Variants in SUSD6 observed in about 807,000 individuals in gnomAD.
SUSD6 encodes sushi domain-containing protein 6.
Under a neutral mutation model 28.4 loss-of-function variants are expected in SUSD6, and 16 were observed. The observed-to-expected ratio is 0.56, with a 90% CI of 0.38 to 0.86. SUSD6 has a LOEUF of 0.86. Ranked by LOEUF, SUSD6 falls within the 40% of genes least tolerant of loss-of-function variation. The pLI, the probability that SUSD6 is intolerant of heterozygous loss-of-function variation, is 0.00. For synonymous variants in SUSD6, 147 were observed against 159.6 expected (o/e 0.92, Z 0.59); for missense variants, 341 against 384.2 (o/e 0.89, Z 0.94).
At chr14:69,678,119 A>G (rs1187371638) in intron 2 of SUSD6, among the ~76,000 whole-genome samples, 1 of 151,872 alleles carries the variant, frequency 6.6e-6, no homozygotes, top group African/African-American at 2.4e-5. Flanking sequence ...TGTGCAGTGC[A>G]TTTGGTGTTC....
intron 2 of SUSD6, among the ~76,000 whole-genome samples, chr14:69,674,342 G>C (rs892292420): frequency 2.6e-5 from 4 of 152,150 alleles, no homozygotes; most frequent in African/African-American, 7.2e-5. Context: ...GTTGTATCCA[G>C]CTACCTCTTC....
chr14:69,682,805 C>T (rs1255093523), intron 2 of SUSD6, among the ~76,000 whole-genome samples: 4 of 152,202 alleles, frequency 2.6e-5, no homozygotes, highest in Non-Finnish European at 5.9e-5. Context: ...CTGAGTTCCA[C>T]ATCTGATCAT....
intron 4 of SUSD6, among the ~76,000 whole-genome samples, chr14:69,705,175 G>A (rs191972949): frequency 2.6e-5 from 4 of 151,890 alleles, no homozygotes; most frequent in Admixed American, 6.6e-5. Flanking sequence ...ACAATTAGCC[G>A]GGTGTGGTGG....
At chr14:69,693,374 T>C (rs1249490743) in intron 2 of SUSD6, among the ~76,000 whole-genome samples, 1 of 152,076 alleles carries the variant, frequency 6.6e-6, no homozygotes, top group Admixed American at 6.5e-5. Context: ...TAACAGGCCA[T>C]ATGGAGTCCA....
intron 1 of SUSD6, among the ~76,000 whole-genome samples, chr14:69,648,891 C>T (rs1885464943): frequency 6.6e-6 from 1 of 152,046 alleles, no homozygotes; most frequent in Non-Finnish European, 1.5e-5. Flanking sequence ...TTTTTTCCCT[C>T]CTCTCTCTGC....
At chr14:69,679,951 G>A (rs545068084) in intron 2 of SUSD6, among the ~76,000 whole-genome samples, 3 of 152,138 alleles carry the variant, frequency 2.0e-5, no homozygotes, top group Non-Finnish European at 4.4e-5. Context: ...ACACTTATAT[G>A]GCCTGAATGG....
At chr14:69,687,291 A>G (rs1416480686) in intron 2 of SUSD6, among the ~76,000 whole-genome samples, 1 of 151,898 alleles carries the variant, frequency 6.6e-6, no homozygotes. Context: ...TTGTATTTCT[A>G]GTAGAGACGG....
chr14:69,612,314 A>G (rs142730106), intron 1 of SUSD6, among the ~76,000 whole-genome samples: 2,707 of 152,230 alleles, frequency 0.018, 85 homozygotes, highest in African/African-American at 0.062. Context: ...AGGAAATCTC[A>G]GAGCCCGCCT....
rs2139648808 is a variant in SUSD6 at position 69,709,079 on chromosome 14, C to T, written c.861C>T (p.Ser287=). 6.2e-7 allele frequency: 1 copy of T among 1,606,568 alleles called. No homozygotes were observed. The highest frequency in any genetic ancestry group is 8.5e-7 in the Non-Finnish European group (1 of 1,176,330). ...SENSDIQSLL[S]LTSEEYTDDI... ...ACAGTGACATACAAAGCCTTTTATC[C>T]CTCACGTCAGAGGAGTACACAGATG... The change falls in exon 5 of 6, where the codon TCC becomes TCT. Residue 287 remains serine (S), a synonymous_variant. Transcript: ENST00000342745.
intron 2 of SUSD6, among the ~76,000 whole-genome samples, chr14:69,693,760 A>G (rs1305434260): frequency 6.6e-6 from 1 of 152,208 alleles, no homozygotes; most frequent in East Asian, 1.9e-4. Context: ...GAGTTATGAC[A>G]GTTGACAAGG....
At chr14:69,696,811 G>C (rs1416320154) in intron 2 of SUSD6, among the ~76,000 whole-genome samples, 1 of 152,212 alleles carries the variant, frequency 6.6e-6, no homozygotes, top group Non-Finnish European at 1.5e-5. Context: ...TAACCGGAAA[G>C]GGGTCCAGAT....
At chr14:69,626,405 C>T (rs1018975465) in intron 1 of SUSD6, among the ~76,000 whole-genome samples, 10 of 152,208 alleles carry the variant, frequency 6.6e-5, no homozygotes, top group African/African-American at 2.4e-4. Flanking sequence ...TCAGTTTGCA[C>T]AGTGGACTGG....
At chr14:69,612,236 C>G (rs1884888357) in intron 1 of SUSD6, among the ~76,000 whole-genome samples, 1 of 152,124 alleles carries the variant, frequency 6.6e-6, no homozygotes, top group Non-Finnish European at 1.5e-5. Context: ...GTCATTACTG[C>G]CCTCAGCCCA....
intron 1 of SUSD6, among the ~76,000 whole-genome samples, chr14:69,622,292 A>G (rs140063571): frequency 0.022 from 3,367 of 152,008 alleles, 138 homozygotes; most frequent in African/African-American, 0.077. Flanking sequence ...AGCCTCCTGA[A>G]TAGCTGGGAC....
chr14:69,640,512 A>C (rs899579514), intron 1 of SUSD6, among the ~76,000 whole-genome samples: 4 of 151,692 alleles, frequency 2.6e-5, no homozygotes, highest in East Asian at 3.9e-4. Flanking sequence ...TTTTCTTTTT[A>C]TTTTTTGTAG....
intron 1 of SUSD6, among the ~76,000 whole-genome samples, chr14:69,646,431 GATCACTCCAGGGCTAC>G (rs1205121183): frequency 1.3e-5 from 2 of 152,222 alleles, no homozygotes; most frequent in Non-Finnish European, 2.9e-5. Context: ...CTTACAGGTT[GATCACTCCAGGGCTAC>G]ATCACTCCAG....
chr14:69,705,234 C>T (rs1886371063), intron 4 of SUSD6, among the ~76,000 whole-genome samples: 1 of 151,632 alleles, frequency 6.6e-6, no homozygotes, highest in East Asian at 1.9e-4. Flanking sequence ...AGGAGAATCA[C>T]TTGAACCCAC....
At chr14:69,645,412 G>C (rs1885411821) in intron 1 of SUSD6, among the ~76,000 whole-genome samples, 1 of 152,124 alleles carries the variant, frequency 6.6e-6, no homozygotes, top group Non-Finnish European at 1.5e-5. Flanking sequence ...CTATAGAAGA[G>C]GTAACAATTT....
chr14:69,640,037 C>T (rs1378931293), intron 1 of SUSD6, among the ~76,000 whole-genome samples: 2 of 137,402 alleles, frequency 1.5e-5, no homozygotes, highest in South Asian at 2.4e-4. Context: ...ACCAGCCTTC[C>T]TGGGAGTTTA....
Sources: allele counts gnomAD v4.1 joint callset (sites outside exome capture counted in the v4.1 genomes callset), GRCh38; gene constraint gnomAD v4.1.1; transcripts MANE v1.5; gene names NCBI Gene and HGNC (gene_info 2026-07-23, HGNC 2026-07-21).